The following CADM1 variants were observed in gnomAD, a reference collection of about 807,000 sequenced individuals.
The protein encoded by CADM1 is cell adhesion molecule 1.
A neutral mutation model predicts 53.1 loss-of-function variants in CADM1; 15 were observed. The observed-to-expected ratio is 0.28, with a 90% CI of 0.19 to 0.44. The LOEUF (loss-of-function observed/expected upper bound fraction) is 0.44. Ranked by LOEUF, CADM1 falls within the 20% of genes least tolerant of loss-of-function variation. The pLI is 1.00. For missense variants in CADM1, 434 were observed against 611.3 expected (o/e 0.71, Z 3.06); for synonymous variants, 281 against 243.0 (o/e 1.16, Z -1.45).
intron 1 of CADM1, among the ~76,000 whole-genome samples, chr11:115,504,060 C>G (rs756115428): frequency 1.3e-5 from 2 of 152,082 alleles, no homozygotes; most frequent in African/African-American, 4.8e-5. Context: ...CCTGGGGACT[C>G]TCATTCACAC....
intron 1 of CADM1, among the ~76,000 whole-genome samples, chr11:115,442,818 G>A (rs186775551): frequency 2.6e-5 from 4 of 152,210 alleles, no homozygotes; most frequent in Admixed American, 1.3e-4. Context: ...AAGGATAAGC[G>A]CAGCTGTTCA....
chr11:115,313,199 C>T (rs190693168), intron 1 of CADM1, among the ~76,000 whole-genome samples: 123 of 152,258 alleles, frequency 8.1e-4, no homozygotes, highest in Non-Finnish European at 1.3e-3. Context: ...TTTTCCTATA[C>T]AGTGAATGAC....
intron 1 of CADM1, among the ~76,000 whole-genome samples, chr11:115,305,731 A>C (rs1159044656): frequency 1.3e-5 from 2 of 151,704 alleles, no homozygotes; most frequent in African/African-American, 4.8e-5. Flanking sequence ...CAGCCTTAGA[A>C]TTCTAAGGCA....
intron 1 of CADM1, among the ~76,000 whole-genome samples, chr11:115,373,168 T>A (rs540540358): frequency 6.6e-6 from 1 of 152,300 alleles, no homozygotes; most frequent in South Asian, 2.1e-4. Flanking sequence ...TTTCAAGCGG[T>A]CAAAGATAAC....
chr11:115,302,023 A>G (rs1944236178), intron 1 of CADM1, among the ~76,000 whole-genome samples: 1 of 152,048 alleles, frequency 6.6e-6, no homozygotes, highest in Non-Finnish European at 1.5e-5. Flanking sequence ...TATCAGGTAA[A>G]GCATTCAGTA....
At chr11:115,337,156 G>A (rs1945288517) in intron 1 of CADM1, among the ~76,000 whole-genome samples, 4 of 152,042 alleles carry the variant, frequency 2.6e-5, no homozygotes, top group South Asian at 2.1e-4. Context: ...CTTAATTCCC[G>A]GCTCTTTCAG....
intron 5 of CADM1, among the ~76,000 whole-genome samples, chr11:115,218,968 G>A (rs944999114): frequency 6.6e-6 from 1 of 151,722 alleles, no homozygotes; most frequent in African/African-American, 2.4e-5. Context: ...AATGTAATTA[G>A]GAGATCGTTT....
intron 1 of CADM1, among the ~76,000 whole-genome samples, chr11:115,396,367 T>G (rs910247597): frequency 6.6e-6 from 1 of 152,196 alleles, no homozygotes; most frequent in Non-Finnish European, 1.5e-5. Context: ...TACTGTAGCA[T>G]AGGATTAAAA....
intron 1 of CADM1, among the ~76,000 whole-genome samples, chr11:115,305,815 C>T (rs1409345045): frequency 1.4e-5 from 2 of 143,026 alleles, no homozygotes; most frequent in Non-Finnish European, 3.0e-5. Context: ...GCCAGTCATT[C>T]GTTTCAGGAT....
At chr11:115,193,936 A>C (rs1940021608) in intron 9 of CADM1, 1 of 152,022 alleles carries the variant, frequency 6.6e-6, no homozygotes, top group Non-Finnish European at 1.5e-5. Context: ...TAATCTAAAA[A>C]CTCAGTCATC....
chr11:115,338,426 A>T (rs1485711318), intron 1 of CADM1, among the ~76,000 whole-genome samples: 3 of 152,188 alleles, frequency 2.0e-5, no homozygotes, highest in Admixed American at 6.6e-5. Context: ...TCATGTCTCA[A>T]ATTTTAGAGA....
At chr11:115,414,968 C>T (rs2135255300) in intron 1 of CADM1, among the ~76,000 whole-genome samples, 1 of 152,196 alleles carries the variant, frequency 6.6e-6, no homozygotes, top group East Asian at 1.9e-4. Context: ...ATCAATTATC[C>T]CCTAATAAGG....
intron 5 of CADM1, among the ~76,000 whole-genome samples, chr11:115,220,131 C>T (rs1941350666): frequency 6.6e-6 from 1 of 152,084 alleles, no homozygotes; most frequent in African/African-American, 2.4e-5. Flanking sequence ...AAGCAGAATG[C>T]TTGCTGGCCT....
At chr11:115,312,016 T>C (rs1215955222) in intron 1 of CADM1, among the ~76,000 whole-genome samples, 1 of 152,130 alleles carries the variant, frequency 6.6e-6, no homozygotes, top group African/African-American at 2.4e-5. Context: ...CATCAACTAT[T>C]TAGTGACTAG....
Position 115,254,589 on chromosome 11 carries a change from CACACAG to C in CADM1, c.125-14175_125-14170del, listed in dbSNP as rs1206431317. Among the ~76,000 whole-genome samples, 391 of 144,792 alleles carry C rather than the reference CACACAG, an allele frequency of 2.7e-3. 2 individuals are homozygous for C. The highest frequency in any genetic ancestry group is 0.019 in the South Asian group (83 of 4,476). 95.0% of individuals were successfully genotyped at this position (144,792 alleles called of 152,430 possible). ...ACACACACACACACACACACACACA[CACACAG>C]AGACAACAAACGCATACTTGTAAGT... On this transcript the variant is annotated intron_variant, in intron 1 of 11. Coordinates refer to ENST00000331581, the MANE Select transcript of CADM1 (RefSeq NM_001301043.2).
chr11:115,332,165 C>T (rs552869035), intron 1 of CADM1, among the ~76,000 whole-genome samples: 12 of 152,180 alleles, frequency 7.9e-5, no homozygotes, highest in African/African-American at 2.6e-4. Flanking sequence ...AGCAGGGATT[C>T]GAAGAGAGTT....
At chr11:115,387,216 T>A (rs1946721041) in intron 1 of CADM1, among the ~76,000 whole-genome samples, 1 of 152,208 alleles carries the variant, frequency 6.6e-6, no homozygotes, top group African/African-American at 2.4e-5. Flanking sequence ...CATTTTAAAC[T>A]TGAAGAGATG....
intron 1 of CADM1, chr11:115,396,610 T>C (rs1351551716): frequency 6.6e-6 from 1 of 152,224 alleles, no homozygotes; most frequent in African/African-American, 2.4e-5. Flanking sequence ...AGTTGTTCTA[T>C]TTCATCCTAA....
chr11:115,468,003 T>C (rs1948931582), intron 1 of CADM1, among the ~76,000 whole-genome samples: 1 of 152,192 alleles, frequency 6.6e-6, no homozygotes, highest in Non-Finnish European at 1.5e-5. Context: ...ATTCTATAAG[T>C]ACAAAATTTC....
Sources: gnomAD v4.1 joint callset for allele counts (sites outside exome capture counted in the v4.1 genomes callset) on GRCh38, gnomAD v4.1.1 for gene constraint, MANE v1.5 for transcripts, NCBI Gene and HGNC (gene_info 2026-07-23, HGNC 2026-07-21) for gene names.